RBMS3: variants seen among roughly 807,000 people sequenced by gnomAD.
RBMS3 encodes RNA binding motif single stranded interacting protein 3, also known as RNA-binding motif, single-stranded-interacting protein 3.
Under a neutral mutation model 66.8 loss-of-function variants are expected in RBMS3, and 27 were observed. The observed-to-expected ratio is 0.40, with a 90% confidence interval of 0.30 to 0.56. The LOEUF (loss-of-function observed/expected upper bound fraction) is 0.56. RBMS3 is among the 20% of genes least tolerant of loss of function. The pLI is 0.40. For missense variants in RBMS3, 513 were observed against 549.5 expected, an observed-to-expected ratio of 0.93 and a Z score of 0.66; for synonymous variants, 188 against 183.0, an observed-to-expected ratio of 1.03 and a Z score of -0.22.
At chr3:29,380,988 A>T (rs1268059116) in intron 1 of RBMS3, among the ~76,000 whole-genome samples, 1 of 152,220 alleles carries the variant, frequency 6.6e-6, no homozygotes, top group Non-Finnish European at 1.5e-5. Context: ...GCCACCGTAG[A>T]TGAAATAAGG....
At chr3:29,306,944 T>A (rs2034054053) in intron 1 of RBMS3, among the ~76,000 whole-genome samples, 1 of 151,952 alleles carries the variant, frequency 6.6e-6, no homozygotes, top group Non-Finnish European at 1.5e-5. Context: ...CCATAGCACA[T>A]AACCAAAAGC....
Position 29,690,506 on chromosome 3 carries a change from A to C in RBMS3, c.400-49214A>C, listed in dbSNP as rs183849318. On this transcript the variant is annotated intron_variant, in intron 4 of 14. Transcript: ENST00000383767. ...CTGATTCAAATTGTTCTTCACCTCT[A>C]ATCAATTATCTCTAATCAATTATGT... Among the ~76,000 whole-genome samples the C allele has an allele frequency of 7.6e-4, 116 of 152,346 alleles. 2 individuals are homozygous for C. The highest frequency in any genetic ancestry group is 1.2e-3 in the Non-Finnish European group (81 of 68,030).
At chr3:29,800,930 C>A (rs1431154756) in intron 6 of RBMS3, among the ~76,000 whole-genome samples, 2 of 151,916 alleles carry the variant, frequency 1.3e-5, no homozygotes, top group African/African-American at 4.8e-5. Flanking sequence ...CCTAGTATCT[C>A]ACTGCTTGCT....
intron 1 of RBMS3, among the ~76,000 whole-genome samples, chr3:29,417,709 C>T (rs752715065): frequency 3.1e-4 from 47 of 152,030 alleles, no homozygotes; most frequent in Non-Finnish European, 5.2e-4. Flanking sequence ...ACACCAAAGT[C>T]GGGAATATCT....
intron 1 of RBMS3, among the ~76,000 whole-genome samples, chr3:29,424,881 T>C (rs1406930282): frequency 1.3e-5 from 2 of 152,152 alleles, no homozygotes; most frequent in African/African-American, 4.8e-5. Flanking sequence ...CTTTCACAAC[T>C]GGAGGAAACT....
intron 6 of RBMS3, among the ~76,000 whole-genome samples, chr3:29,866,339 T>C (rs1381306153): frequency 1.3e-5 from 2 of 152,292 alleles, no homozygotes; most frequent in East Asian, 3.9e-4. Flanking sequence ...GTGGGTGTAA[T>C]GTGTGTGTCT....
chr3:29,732,698 A>G (rs1227100521), intron 4 of RBMS3, among the ~76,000 whole-genome samples: 1 of 152,152 alleles, frequency 6.6e-6, no homozygotes, highest in African/African-American at 2.4e-5. Flanking sequence ...GAATGCTCTG[A>G]TTCCCTGTTT....
intron 10 of RBMS3, among the ~76,000 whole-genome samples, chr3:29,932,026 T>C (rs2061142581): frequency 6.6e-6 from 1 of 152,198 alleles, no homozygotes; most frequent in South Asian, 2.1e-4. Context: ...TTTTCACTTA[T>C]CCAAATAATT....
intron 6 of RBMS3, among the ~76,000 whole-genome samples, chr3:29,824,895 C>T (rs2058166673): frequency 6.6e-6 from 1 of 151,750 alleles, no homozygotes; most frequent in Admixed American, 6.6e-5. Flanking sequence ...TATTTTTATA[C>T]AGAGCATTTT....
chr3:29,728,909 T>C (rs1445786984), intron 4 of RBMS3, among the ~76,000 whole-genome samples: 1 of 152,118 alleles, frequency 6.6e-6, no homozygotes, highest in Non-Finnish European at 1.5e-5. Context: ...GGAATAAATG[T>C]AGATTCAAGC....
At chr3:29,983,632 T>A (rs1396039419) in intron 12 of RBMS3, among the ~76,000 whole-genome samples, 1 of 152,182 alleles carries the variant, frequency 6.6e-6, no homozygotes. Flanking sequence ...TCTCTCAGCA[T>A]TTGCTTGTCT....
intron 3 of RBMS3, among the ~76,000 whole-genome samples, chr3:29,572,219 A>G (rs932317926): frequency 6.6e-6 from 1 of 151,744 alleles, no homozygotes; most frequent in Non-Finnish European, 1.5e-5. Flanking sequence ...ATCATCTGCA[A>G]ACGAGGATAA....
Position 29,625,575 on chromosome 3 carries a change from A to G in RBMS3, c.399+38370A>G, listed in dbSNP as rs138308615. 7.8e-3 allele frequency among the ~76,000 whole-genome samples: 1,184 copies of G among 152,036 alleles called. 11 individuals carry two copies. Among genetic ancestry groups the G allele is most frequent in the African/African-American group, 0.027 (1,124 of 41,476 alleles). The stretch of plus-strand genomic sequence containing the variant: ...GGGCTGGGTGTGGTGGTGTGCACCT[A>G]TAAACCTGGCTACTTGGGAGGCTGA... On this transcript the variant is annotated intron_variant, in intron 4 of 14. Coordinates refer to ENST00000383767, the MANE Select transcript of RBMS3 (RefSeq NM_001003793.3).
chr3:29,475,678 G>C (rs917857159), intron 2 of RBMS3, among the ~76,000 whole-genome samples: 2 of 151,986 alleles, frequency 1.3e-5, no homozygotes, highest in Admixed American at 6.6e-5. Flanking sequence ...CATCATAAAC[G>C]TATAAAGCAC....
At position 29,526,520 on chromosome 3, in the gene RBMS3, C is replaced by CAAAAAAA. The variant is rs61483868; in HGVS notation, c.307+38062_307+38068dup. 8.3e-5 allele frequency among the ~76,000 whole-genome samples: 3 copies of CAAAAAAA among 35,950 alleles called. 1 individual carries two copies. Among genetic ancestry groups the CAAAAAAA allele is most frequent in the Non-Finnish European group, 1.6e-4 (3 of 18,284 alleles). The allele number at this position is 35,950 out of a possible 152,430, so 23.6% of individuals were successfully genotyped here. On this transcript the variant is annotated intron_variant, in intron 3 of 14. Coordinates refer to ENST00000383767, the MANE Select transcript of RBMS3 (RefSeq NM_001003793.3). ...TGGACGACAGAGCGAGACTCCATCT[C>CAAAAAAA]AAAAAAAAAAAAAAAAAAAAAAAAA...
At chr3:29,389,996 T>C (rs1412346596) in intron 1 of RBMS3, among the ~76,000 whole-genome samples, 1 of 152,152 alleles carries the variant, frequency 6.6e-6, no homozygotes, top group East Asian at 1.9e-4. Flanking sequence ...TATATTTGTT[T>C]GTGATGGCTT....
intron 1 of RBMS3, among the ~76,000 whole-genome samples, chr3:29,399,783 A>G (rs2039724565): frequency 6.6e-6 from 1 of 152,188 alleles, no homozygotes; most frequent in Non-Finnish European, 1.5e-5. Context: ...AGTGTCATAA[A>G]GCCACTCCTA....
chr3:29,499,351 G>A lies in RBMS3; in HGVS notation c.307+10852G>A, dbSNP rs148048626. Among the ~76,000 whole-genome samples, 520 of 151,956 alleles carry A rather than the reference G, an allele frequency of 3.4e-3. 3 individuals are homozygous for A. Among genetic ancestry groups the A allele is most frequent in the African/African-American group, 0.012 (491 of 41,444 alleles). On this transcript the variant is annotated intron_variant, in intron 3 of 14. Transcript: ENST00000383767. ...TTAGTAAAGAAAAGAGAACTCTGGG[G>A]TATGAAAGAGAAAAACTCATGTACA...
Position 29,689,917 on chromosome 3 carries a change from C to CAA in RBMS3, c.400-49766_400-49765dup, listed in dbSNP as rs66580293. On this transcript the variant is annotated intron_variant, in intron 4 of 14. Transcript: ENST00000383767. ...CAACATAGCAAGATCCTATCTCTAC[C>CAA]AAAAAAAAAAAAAAAAAAAAAAAAA... Among the ~76,000 whole-genome samples the CAA allele has an allele frequency of 8.1e-3, 225 of 27,732 alleles. 34 individuals carry two copies. Among genetic ancestry groups the CAA allele is most frequent in the Non-Finnish European group, 0.011 (137 of 13,000 alleles). 18.2% of individuals were successfully genotyped at this position (27,732 alleles called of 152,430 possible).
Sources: allele counts gnomAD v4.1 joint callset (sites outside exome capture counted in the v4.1 genomes callset), GRCh38; gene constraint gnomAD v4.1.1; transcripts MANE v1.5; gene names NCBI Gene and HGNC (gene_info 2026-07-23, HGNC 2026-07-21).